The following ZNF587B variants were observed in gnomAD, a reference collection of about 807,000 sequenced individuals.
ZNF587B encodes zinc finger protein 587B.
Under a neutral mutation model 7.2 loss-of-function variants are expected in ZNF587B, and 6 were observed. The ratio of observed to expected loss-of-function variants is 0.83; its 90% CI spans 0.46 to 1.65. The LOEUF (loss-of-function observed/expected upper bound fraction) is 1.65, where lower values mean the gene tolerates loss of function less well. ZNF587B is among the 40% of genes most tolerant of loss of function. The pLI, the probability that ZNF587B is intolerant of heterozygous loss-of-function variation, is 0.01. For synonymous variants in ZNF587B, 274 were observed against 254.3 expected, an observed-to-expected ratio of 1.08 and a Z score of -0.74; for missense variants, 749 against 761.0, an observed-to-expected ratio of 0.98 and a Z score of 0.19.
Position 57,842,812 on chromosome 19 carries a change from T to G in ZNF587B, c.*236T>G, listed in dbSNP as rs929499181. 6 of 985,416 alleles carry G rather than the reference T, an allele frequency of 6.1e-6. No individual in the cohort carries two copies. The highest frequency in any genetic ancestry group is 7.2e-6 in the Non-Finnish European group (6 of 829,938). 61.0% of individuals were successfully genotyped at this position (985,416 alleles called of 1,614,324 possible). ...ACACTGAATGAAGGCCTTACTAGTGTGGCAAATATAGGCTATTTATCCAGA... is the reference window on the plus strand; with the variant it reads ...ACACTGAATGAAGGCCTTACTAGTGGGGCAAATATAGGCTATTTATCCAGA... On this transcript the variant is annotated 3_prime_UTR_variant, in exon 3 of 3. Coordinates refer to ENST00000594901, the MANE Select transcript of ZNF587B (RefSeq NM_001376223.1).
Position 57,844,069 on chromosome 19 carries a change from T to C in ZNF587B, c.*1493T>C, listed in dbSNP as rs1228238485. 1.3e-5 allele frequency among the ~76,000 whole-genome samples: 2 copies of C among 152,204 alleles called. No individual in the cohort carries two copies. The highest frequency in any genetic ancestry group is 2.9e-5 in the Non-Finnish European group (2 of 68,036). On this transcript the variant is annotated 3_prime_UTR_variant, in exon 3 of 3. Transcript: ENST00000594901. ...TGCTGGGACTTTTTTATTTCTTTAA[T>C]TTTTAATTCCAGATCTGGTCACAGA...
rs1989022966 is a variant in ZNF587B, at chr19:57,845,277, G to C, written c.*2701G>C. ...CTACAGGTGTGGGCCGCTGTGTTTG[G>C]CTGAAATGTATGTCTTTTAAAGGAG... On this transcript the variant is annotated 3_prime_UTR_variant, in exon 3 of 3. Coordinates refer to ENST00000594901, the MANE Select transcript of ZNF587B (RefSeq NM_001376223.1). 1 of 152,222 alleles carries C rather than the reference G, an allele frequency of 6.6e-6. No homozygotes were observed. Among genetic ancestry groups the C allele is most frequent in the Non-Finnish European group, 1.5e-5 (1 of 68,062 alleles). 9.4% of individuals were successfully genotyped at this position (152,222 alleles called of 1,614,324 possible).
chr19:57,840,322 G>A (rs908816614), intron 2 of ZNF587B, among the ~76,000 whole-genome samples: 4 of 151,716 alleles, frequency 2.6e-5, no homozygotes, highest in African/African-American at 4.8e-5. Context: ...ACATGAACTC[G>A]TACCCTAATA....
intron 1 of ZNF587B, among the ~76,000 whole-genome samples, chr19:57,836,204 G>T (rs1988594509): frequency 1.3e-5 from 2 of 151,834 alleles, no homozygotes; most frequent in African/African-American, 4.9e-5. Context: ...TAGCACAGAA[G>T]TAGAATAGGG....
rs897589115 is a variant in ZNF587B at position 57,842,266 on chromosome 19, T to C, written c.1592T>C (p.Phe531Ser). 2 of 1,613,490 alleles carry C rather than the reference T, an allele frequency of 1.2e-6. No individual in the cohort carries two copies. The highest frequency in any genetic ancestry group is 1.7e-6 in the Non-Finnish European group (2 of 1,179,502). The stretch of plus-strand genomic sequence containing the variant: ...GAATGCAGTGATTGTGGGAAGTCAT[T>C]TACCCACAGCTGTGCATTCATTGTT... ...PYECSDCGKS[F>S]THSCAFIVHK... is the part of the protein sequence containing the mutation. Residue 531 changes from phenylalanine (F) to serine (S), a missense_variant, in exon 3 of 3, where the codon TTT (phenylalanine) becomes TCT (serine). This residue lies in a region of ZNF587B where 656 missense variants were observed against 596.5 expected (regional missense o/e 1.10). Transcript: ENST00000594901.
rs1442017211 is a variant in ZNF587B at position 57,844,702 on chromosome 19, G to GT, written c.*2132dup. ...CAGTTTTTATAACAACCTCTGGTGG[G>GT]TTTTTTATTTTAGTGTCAATATCAC... On this transcript the variant is annotated 3_prime_UTR_variant, in exon 3 of 3. Transcript: ENST00000594901. The GT allele has an allele frequency of 6.6e-6, 1 of 152,344 alleles. No individual in the cohort carries two copies. Among genetic ancestry groups the GT allele is most frequent in the Non-Finnish European group, 1.5e-5 (1 of 68,186 alleles). The allele number at this position is 152,344 out of a possible 1,614,324, so 9.4% of individuals were successfully genotyped here. A position where few individuals can be genotyped will look rare whatever the true frequency, so the allele number is the denominator to read the frequency against.
chr19:57,832,501 T>C (rs1988455673), intron 1 of ZNF587B, among the ~76,000 whole-genome samples: 1 of 152,272 alleles, frequency 6.6e-6, no homozygotes, highest in Non-Finnish European at 1.5e-5. Flanking sequence ...TCTTGAATTA[T>C]CTGTCTGAAA....
intron 1 of ZNF587B, 117 bp downstream of exon 1, chr19:57,830,681 A>T: frequency 8.4e-7 from 1 of 1,192,642 alleles, no homozygotes; most frequent in South Asian, 1.3e-5. Context: ...CTGAGTTTTT[A>T]TTAGGAGTGA....
At position 57,841,527 on chromosome 19, in the gene ZNF587B, C is replaced by T. The variant is rs1256701231; in HGVS notation, c.853C>T (p.Leu285Phe). The part of the protein sequence containing the change: ...CEKSFSQKSS[L>F]IQHQQFHTGG... ...GAAATCTTTTAGTCAAAAGAGCAGC[C>T]TCATTCAACATCAGCAATTTCACAC... Residue 285 changes from leucine to phenylalanine, a missense_variant, in exon 3 of 3, where the codon CTC becomes TTC. Transcript: ENST00000594901. The T allele has an allele frequency of 5.1e-6, 8 of 1,583,352 alleles. No homozygotes were observed. Among genetic ancestry groups the T allele is most frequent in the Non-Finnish European group, 6.9e-6 (8 of 1,164,092 alleles).
At chr19:57,832,153 C>T (rs550472594) in intron 1 of ZNF587B, among the ~76,000 whole-genome samples, 1 of 152,224 alleles carries the variant, frequency 6.6e-6, no homozygotes, top group East Asian at 1.9e-4. Context: ...GTGGCACGAT[C>T]TCGGCTCACT....
At position 57,841,254 on chromosome 19, in the gene ZNF587B, G is replaced by A; in HGVS notation, c.580G>A (p.Gly194Arg). The A allele has an allele frequency of 6.2e-7, 1 of 1,614,164 alleles. No homozygotes were observed. The highest frequency in any genetic ancestry group is 8.5e-7 in the Non-Finnish European group (1 of 1,180,036). Reference sequence around the variant, plus strand: ...ACTCCAGCAGGAGGCCAGTCACACTGGGGAGAAGTCAAACAGCAAAACTGA... The same window carrying A: ...ACTCCAGCAGGAGGCCAGTCACACTAGGGAGAAGTCAAACAGCAAAACTGA... ...GLLQQEASHT[G>R]EKSNSKTECV... The change falls in exon 3 of 3, where the codon GGG becomes AGG. Residue 194 changes from glycine (G) to arginine (R), a missense_variant. This residue lies in a region of ZNF587B where 656 missense variants were observed against 596.5 expected (regional missense o/e 1.10). Transcript: ENST00000594901.
At position 57,842,949 on chromosome 19, in the gene ZNF587B, G is replaced by A; in HGVS notation, c.*373G>A. On this transcript the variant is annotated 3_prime_UTR_variant, in exon 3 of 3. Coordinates refer to ENST00000594901, the MANE Select transcript of ZNF587B (RefSeq NM_001376223.1). ...TCATTGAATCCTAGAACACTGAGAT[G>A]AGAAAAACACTGTAGATGTATAGGT... 1 of 985,380 alleles carries A rather than the reference G, an allele frequency of 1.0e-6. No individual in the cohort carries two copies. Among genetic ancestry groups the A allele is most frequent in the Non-Finnish European group, 1.2e-6 (1 of 829,920 alleles). 61.0% of individuals were successfully genotyped at this position (985,380 alleles called of 1,614,324 possible).
rs750682217 is a variant in ZNF587B at position 57,830,574 on chromosome 19, G to GTGCC, written c.36+12_36+15dup. The GTGCC allele has an allele frequency of 6.5e-7, 1 of 1,550,318 alleles. No homozygotes were observed. Among genetic ancestry groups the GTGCC allele is most frequent in the Non-Finnish European group, 8.7e-7 (1 of 1,147,820 alleles). ...GAGGCTCTCTGCTCAGGTAATTGTGGTGCCTTCCATGCCCTCAGGTCACCT... is the reference window on the plus strand; with the variant it reads ...GAGGCTCTCTGCTCAGGTAATTGTGGTGCCTGCCTTCCATGCCCTCAGGTCACCT... On this transcript the variant is annotated intron_variant, in intron 1 of 2. Coordinates refer to ENST00000594901, the MANE Select transcript of ZNF587B (RefSeq NM_001376223.1).
intron 1 of ZNF587B, among the ~76,000 whole-genome samples, chr19:57,835,418 A>G (rs1328034067): frequency 3.4e-3 from 423 of 123,526 alleles, no homozygotes; most frequent in Non-Finnish European, 5.5e-3. Context: ...GTGCAGTAGC[A>G]TGATCTCTGC....
chr19:57,842,665 A>G lies in ZNF587B; in HGVS notation c.*89A>G. 1.5e-6 allele frequency: 2 copies of G among 1,348,172 alleles called. No homozygotes were observed. Among genetic ancestry groups the G allele is most frequent in the Non-Finnish European group, 1.9e-6 (2 of 1,054,338 alleles). The allele number at this position is 1,348,172 out of a possible 1,614,324, so 83.5% of individuals were successfully genotyped here. On this transcript the variant is annotated 3_prime_UTR_variant, in exon 3 of 3. Transcript: ENST00000594901. ...ATTGCAGCAAATGTGGAAAATGTTTACCCAAAAGAAGTCTGCTCTCCTTGG... is the reference window on the plus strand; with the variant it reads ...ATTGCAGCAAATGTGGAAAATGTTTGCCCAAAAGAAGTCTGCTCTCCTTGG...
At position 57,843,846 on chromosome 19, in the gene ZNF587B, T is replaced by C. The variant is rs1988975066; in HGVS notation, c.*1270T>C. ...TGAACTCCTAACCTCGTGATCCACC[T>C]GCCTTGGCCTCCCAAAGTGCTGGGA... On this transcript the variant is annotated 3_prime_UTR_variant, in exon 3 of 3. Transcript: ENST00000594901. Among the ~76,000 whole-genome samples the C allele has an allele frequency of 6.6e-6, 1 of 151,974 alleles. No individual in the cohort carries two copies. Among genetic ancestry groups the C allele is most frequent in the South Asian group, 2.1e-4 (1 of 4,818 alleles).
rs140552480 is a variant in ZNF587B at position 57,843,770 on chromosome 19, T to C, written c.*1194T>C. 0.034 allele frequency among the ~76,000 whole-genome samples: 5,149 copies of C among 151,828 alleles called. 191 individuals are homozygous for C. The highest frequency in any genetic ancestry group is 0.094 in the African/African-American group (3,886 of 41,356). ...GTGCCTGCCACCACACCCAGGTAAT[T>C]TTTGTACTTTTAGTAGAGATGGGGT... On this transcript the variant is annotated 3_prime_UTR_variant, in exon 3 of 3. Transcript: ENST00000594901.
Position 57,841,402 on chromosome 19 carries a change from T to C in ZNF587B, c.728T>C (p.Val243Ala), listed in dbSNP as rs768673224. 11 of 1,586,388 alleles carry C rather than the reference T, an allele frequency of 6.9e-6. No individual in the cohort carries two copies. The East Asian group carries it at 2.3e-4, about 33-fold the overall frequency. ...QRLLPREECY[V>A]CCECGKSFSK... ...CTTCTCCCTCGAGAAGAATGTTATG[T>C]GTGCTGTGAATGTGGGAAATCCTTT... is the stretch of plus-strand genomic sequence containing the variant. Residue 243 changes from valine to alanine, a missense_variant, in exon 3 of 3, where the codon GTG (valine) becomes GCG (alanine). Physicochemically the swap from Val to Ala is moderately conservative, Grantham distance 64 (BLOSUM62 0). Around this residue, in one of 3 missense-constraint regions of ZNF587B, gnomAD observed 656 missense variants for 596.5 expected, o/e 1.10. Transcript: ENST00000594901.
intron 2 of ZNF587B, among the ~76,000 whole-genome samples, chr19:57,839,375 C>T (rs1293799658): frequency 6.6e-6 from 1 of 152,166 alleles, no homozygotes; most frequent in Non-Finnish European, 1.5e-5. Context: ...GATTCCCAGT[C>T]AGAAGCCCAC....
Sources: gnomAD v4.1 joint callset for allele counts (sites outside exome capture counted in the v4.1 genomes callset) on GRCh38, gnomAD v4.1.1 for gene constraint, gnomAD v4.1.1 regional missense constraint, MANE v1.5 for transcripts, NCBI Gene and HGNC (gene_info 2026-07-23, HGNC 2026-07-21) for gene names.